Variants in RBFOX3 observed in about 807,000 individuals in gnomAD.
RBFOX3 encodes RNA binding protein fox-1 homolog 3.
In RBFOX3, 17 loss-of-function variants were observed where a neutral mutation model predicts 48.7. The observed-to-expected ratio is 0.35, with a 90% confidence interval of 0.24 to 0.52. RBFOX3 has a LOEUF of 0.52. RBFOX3 is among the 20% of genes least tolerant of loss of function. The probability of loss-of-function intolerance (pLI) is 0.94; values close to 1 mark genes in which losing one functional copy is unlikely to be tolerated. For missense variants in RBFOX3, 382 were observed against 497.5 expected (o/e 0.77, Z 2.21); for synonymous variants, 212 against 209.5 (o/e 1.01, Z -0.10).
intron 2 of RBFOX3, among the ~76,000 whole-genome samples, chr17:79,406,044 G>A (rs1448226770): frequency 6.6e-6 from 1 of 152,184 alleles, no homozygotes; most frequent in Non-Finnish European, 1.5e-5. Context: ...TTTCATGGCT[G>A]TGTAATATTC....
At chr17:79,651,942 G>A in the RBFOX3 span, among the ~76,000 whole-genome samples, 1 of 143,880 alleles carries the variant, frequency 7.0e-6, no homozygotes, top group African/African-American at 2.6e-5. Flanking sequence ...CCGAGGAACT[G>A]CAGCTCCTGC....
intron 4 of RBFOX3, among the ~76,000 whole-genome samples, chr17:79,175,068 G>A (rs1357243684): frequency 2.6e-5 from 4 of 152,130 alleles, no homozygotes; most frequent in African/African-American, 9.7e-5. Context: ...TCCATACCTG[G>A]CAAGTCTATC....
rs1025320686 is a variant in RBFOX3, at chr17:79,479,764, C to T, written c.-175+2690G>A. On this transcript the variant is annotated intron_variant, in intron 2 of 14. Transcript: ENST00000693108. This position sits in a 1 kb window ranked among gnomAD's most constrained non-coding sequence, Gnocchi z 5.1. ...CCCACAGAAAGGTGAGGCTGGGCCC[C>T]GCAACCTCCTTCTTGGAGGCAGCAG... Among the ~76,000 whole-genome samples the T allele has an allele frequency of 3.9e-5, 6 of 152,294 alleles. No homozygotes were observed. Among genetic ancestry groups the T allele is most frequent in the Admixed American group, 6.5e-5 (1 of 15,310 alleles).
Position 79,473,181 on chromosome 17 carries a change from CTT to C in RBFOX3, c.-175+9271_-175+9272del, listed in dbSNP as rs2077258119. 6.6e-6 allele frequency among the ~76,000 whole-genome samples: 1 copy of C among 152,254 alleles called. No individual in the cohort carries two copies. The highest frequency in any genetic ancestry group is 1.5e-5 in the Non-Finnish European group (1 of 68,050). On this transcript the variant is annotated intron_variant, in intron 2 of 14. Transcript: ENST00000693108. The surrounding 1 kb of genome is among the most constrained non-coding windows in gnomAD (Gnocchi z 4.2). ...AAAGATTCTAAATGCTTAATTTCAG[CTT>C]CTGTACTCAGTTGCAGGGATCAGGA...
At chr17:79,576,416 G>A (rs2092859295) in intron 1 of RBFOX3, among the ~76,000 whole-genome samples, 1 of 152,122 alleles carries the variant, frequency 6.6e-6, no homozygotes, top group Non-Finnish European at 1.5e-5. Context: ...TCATGGAGAA[G>A]ATGGAGATGA....
At chr17:79,505,845 C>G (rs1249082320) in intron 1 of RBFOX3, among the ~76,000 whole-genome samples, 1 of 152,196 alleles carries the variant, frequency 6.6e-6, no homozygotes, top group South Asian at 2.1e-4. Flanking sequence ...AGGCACGATG[C>G]TGAATGCATA....
intron 2 of RBFOX3, among the ~76,000 whole-genome samples, chr17:79,330,902 C>G (rs552534337): frequency 1.1e-4 from 17 of 152,310 alleles, no homozygotes; most frequent in South Asian, 8.3e-4. Flanking sequence ...CTGGGGCAGC[C>G]GTCGGCCACG....
intron 14 of RBFOX3, among the ~76,000 whole-genome samples, chr17:79,093,557 A>C (rs2074438176): frequency 6.6e-6 from 1 of 151,814 alleles, no homozygotes; most frequent in East Asian, 1.9e-4. Context: ...TGAAAAAAAA[A>C]AAAAAAATTG....
intron 5 of RBFOX3, among the ~76,000 whole-genome samples, chr17:79,113,128 G>C (rs542993208): frequency 6.6e-6 from 1 of 152,242 alleles, no homozygotes; most frequent in East Asian, 1.9e-4. Context: ...GCTCGAGTGA[G>C]CTGAAAGGGC....
the RBFOX3 span, among the ~76,000 whole-genome samples, chr17:79,651,781 C>G: frequency 2.1e-5 from 3 of 144,516 alleles, no homozygotes; most frequent in Non-Finnish European, 3.0e-5. Flanking sequence ...CTCTCCCTGT[C>G]CATCCTTCTC....
At chr17:79,484,519 AG>A (rs1174283550) in intron 1 of RBFOX3, among the ~76,000 whole-genome samples, 9 of 32,068 alleles carry the variant, frequency 2.8e-4, no homozygotes, top group Non-Finnish European at 3.5e-4. Flanking sequence ...GCCTGGGTGC[AG>A]GGGGCCTGGG....
At chr17:79,457,281 T>C (rs4572435) in intron 2 of RBFOX3, among the ~76,000 whole-genome samples, 83,857 of 152,176 alleles carry the variant, frequency 0.55, 23,411 homozygotes, top group Middle Eastern at 0.61. Context: ...AAAGGAGCTG[T>C]TGTGGAGACA....
chr17:79,459,655 C>T (rs1221055255), intron 2 of RBFOX3, among the ~76,000 whole-genome samples: 2 of 152,126 alleles, frequency 1.3e-5, no homozygotes, highest in Non-Finnish European at 2.9e-5. Context: ...CAACACTGGC[C>T]ACCTTCTTAA....
the RBFOX3 span, among the ~76,000 whole-genome samples, chr17:79,651,093 C>A: frequency 7.9e-5 from 12 of 152,224 alleles, no homozygotes; most frequent in African/African-American, 2.9e-4. Context: ...TCCAAACACA[C>A]GCACTGCAGG....
At chr17:79,451,609 G>A (rs1944055665) in intron 2 of RBFOX3, among the ~76,000 whole-genome samples, 2 of 152,214 alleles carry the variant, frequency 1.3e-5, no homozygotes. Context: ...AACCATCACA[G>A]TAAGTTACCC....
intron 1 of RBFOX3, chr17:79,600,156 C>T (rs921509445): frequency 2.0e-5 from 3 of 152,220 alleles, no homozygotes; most frequent in Admixed American, 2.0e-4. Flanking sequence ...CTGCGATGTC[C>T]AAGAGGCAAG....
Position 79,477,314 on chromosome 17 carries a change from T to C in RBFOX3, c.-175+5140A>G, listed in dbSNP as rs4789898. ...GCTCACACCTGTAATCCCAGCACTTTGGGAGGCCAAGGCAGGTGGATCACG... is the reference window on the plus strand; with the variant it reads ...GCTCACACCTGTAATCCCAGCACTTCGGGAGGCCAAGGCAGGTGGATCACG... On this transcript the variant is annotated intron_variant, in intron 2 of 14. Transcript: ENST00000693108. The surrounding 1 kb of genome is among the most constrained non-coding windows in gnomAD (Gnocchi z 4.8). Among the ~76,000 whole-genome samples the C allele has an allele frequency of 0.15, 22,065 of 146,908 alleles. 2,511 individuals carry two copies. Among genetic ancestry groups the C allele is most frequent in the East Asian group, 0.57 (2,784 of 4,898 alleles).
At chr17:79,191,908 G>C (rs2054599762) in intron 4 of RBFOX3, among the ~76,000 whole-genome samples, 1 of 152,300 alleles carries the variant, frequency 6.6e-6, no homozygotes, top group South Asian at 2.1e-4. Context: ...GATACACCAG[G>C]GAAGTTGTGT....
chr17:79,228,163 G>A (rs1239965302), intron 4 of RBFOX3, among the ~76,000 whole-genome samples: 2 of 152,186 alleles, frequency 1.3e-5, no homozygotes, highest in African/African-American at 4.8e-5. Context: ...TCTTAAGTGG[G>A]ATTGTGTCAA....
Sources: allele counts gnomAD v4.1 joint callset (sites outside exome capture counted in the v4.1 genomes callset), GRCh38; gene constraint gnomAD v4.1.1; non-coding constraint Gnocchi (gnomAD v3.1); transcripts MANE v1.5; gene names NCBI Gene and HGNC (gene_info 2026-07-23, HGNC 2026-07-21).